GPR39: variants seen among roughly 807,000 people sequenced by gnomAD.
GPR39 encodes the protein zinc sensing receptor.
Under a neutral mutation model 18.4 loss-of-function variants are expected in GPR39, and 23 were observed. The ratio of observed to expected loss-of-function variants is 1.25; its 90% CI spans 0.90 to 1.77. GPR39 has a LOEUF of 1.77. Ranked by LOEUF, GPR39 falls within the 40% of genes most tolerant of loss-of-function variation. GPR39 has a pLI of 0.00. For synonymous variants in GPR39, 280 were observed against 257.9 expected (o/e 1.09, Z -0.82); for missense variants, 647 against 602.4 (o/e 1.07, Z -0.78).
rs976763285 is a variant in GPR39, at chr2:132,531,500, G to A, written c.857-113601G>A. ...AATTGAACTCAGCTCTGCACCAAGT[G>A]GACCTAATAGACAACTACAGAACTC... On this transcript the variant is annotated intron_variant, in intron 1 of 1. Coordinates refer to ENST00000329321, the MANE Select transcript of GPR39 (RefSeq NM_001508.3). Among the ~76,000 whole-genome samples the A allele has an allele frequency of 3.1e-3, 475 of 152,168 alleles. 1 individual carries two copies. The highest frequency in any genetic ancestry group is 7.1e-3 in the African/African-American group (295 of 41,496).
At position 132,576,388 on chromosome 2, in the gene GPR39, C is replaced by T. The variant is rs865848171; in HGVS notation, c.857-68713C>T. Reference sequence around the variant, plus strand: ...CTAAGCCTAGCCAGGTGTGATGGCTCACACCTGTAATTACAGCACTTGAGG... The same window carrying T: ...CTAAGCCTAGCCAGGTGTGATGGCTTACACCTGTAATTACAGCACTTGAGG... On this transcript the variant is annotated intron_variant, in intron 1 of 1. Coordinates refer to ENST00000329321, the MANE Select transcript of GPR39 (RefSeq NM_001508.3). Among the ~76,000 whole-genome samples the T allele has an allele frequency of 5.9e-5, 9 of 151,980 alleles. 1 individual carries two copies. The highest frequency in any genetic ancestry group is 3.3e-4 in the Admixed American group (5 of 15,264).
intron 1 of GPR39, among the ~76,000 whole-genome samples, chr2:132,640,800 G>A (rs562212613): frequency 6.6e-6 from 1 of 152,310 alleles, no homozygotes; most frequent in South Asian, 2.1e-4. Context: ...AGAATAGAAA[G>A]TTACCTTGGG....
chr2:132,446,879 G>C (rs1358697520), intron 1 of GPR39, among the ~76,000 whole-genome samples: 1 of 152,146 alleles, frequency 6.6e-6, no homozygotes, highest in East Asian at 1.9e-4. Context: ...AGTATGCAGA[G>C]ACAAGTGTGC....
rs150199773 is a variant in GPR39 at position 132,546,474 on chromosome 2, G to A, written c.857-98627G>A. Among the ~76,000 whole-genome samples, 812 of 152,252 alleles carry A rather than the reference G, an allele frequency of 5.3e-3. 3 individuals are homozygous for A. The highest frequency in any genetic ancestry group is 9.1e-3 in the Admixed American group (139 of 15,294). On this transcript the variant is annotated intron_variant, in intron 1 of 1. Coordinates refer to ENST00000329321, the MANE Select transcript of GPR39 (RefSeq NM_001508.3). ...TTGGGTTAAGACTAATCCTGAGACC[G>A]TAAGTTGTAGTCCAGCCTAGCTGAT... is the stretch of plus-strand genomic sequence containing the variant.
intron 1 of GPR39, among the ~76,000 whole-genome samples, chr2:132,455,161 C>G (rs1354477207): frequency 6.6e-6 from 1 of 152,130 alleles, no homozygotes; most frequent in Non-Finnish European, 1.5e-5. Context: ...ATTTCAGAAC[C>G]TGTAATTGGT....
At chr2:132,508,529 C>T (rs1160912540) in intron 1 of GPR39, among the ~76,000 whole-genome samples, 1 of 152,014 alleles carries the variant, frequency 6.6e-6, no homozygotes, top group Non-Finnish European at 1.5e-5. Flanking sequence ...TGCAGATTTG[C>T]TCTGCAAAGA....
intron 1 of GPR39, among the ~76,000 whole-genome samples, chr2:132,533,599 T>C (rs1054792576): frequency 4.6e-5 from 7 of 152,006 alleles, no homozygotes; most frequent in Non-Finnish European, 1.0e-4. Context: ...CAAACTATAT[T>C]ACAAGGCTAC....
intron 1 of GPR39, among the ~76,000 whole-genome samples, chr2:132,639,536 A>G (rs1681822985): frequency 6.6e-6 from 1 of 152,190 alleles, no homozygotes; most frequent in Admixed American, 6.5e-5. Context: ...TTGGGAGGTG[A>G]TCAACTTTCC....
chr2:132,506,359 C>T (rs537133222), intron 1 of GPR39, among the ~76,000 whole-genome samples: 1 of 152,158 alleles, frequency 6.6e-6, no homozygotes, highest in South Asian at 2.1e-4. Flanking sequence ...CAGGTTGTCT[C>T]TTCACTCTGT....
At chr2:132,560,929 T>TG (rs397873473) in intron 1 of GPR39, among the ~76,000 whole-genome samples, 3 of 146,418 alleles carry the variant, frequency 2.0e-5, no homozygotes, top group Non-Finnish European at 3.0e-5. Flanking sequence ...TTTTTTTTTT[T>TG]GAGATGGAAT....
chr2:132,628,037 C>T (rs72844712), intron 1 of GPR39, among the ~76,000 whole-genome samples: 19,622 of 152,220 alleles, frequency 0.13, 1,616 homozygotes, highest in Middle Eastern at 0.23. Context: ...TGGTTCTCTA[C>T]TCCTATCATT....
intron 1 of GPR39, among the ~76,000 whole-genome samples, chr2:132,460,568 C>T (rs1030553924): frequency 3.3e-5 from 5 of 152,088 alleles, no homozygotes; most frequent in African/African-American, 1.2e-4. Context: ...GCCTCCTTGA[C>T]CCCAGTCAGT....
chr2:132,644,365 G>A (rs879459861), intron 1 of GPR39, among the ~76,000 whole-genome samples: 1 of 152,206 alleles, frequency 6.6e-6, no homozygotes, highest in Non-Finnish European at 1.5e-5. Flanking sequence ...AAGGGAACAT[G>A]TTACTGGCTG....
chr2:132,646,560 T>C lies in GPR39; in HGVS notation c.*954T>C, dbSNP rs1281029617. 3.1e-6 allele frequency: 1 copy of C among 323,058 alleles called. No homozygotes were observed. The highest frequency in any genetic ancestry group is 5.6e-6 in the Non-Finnish European group (1 of 178,992). The allele number at this position is 323,058 out of a possible 1,614,324, so 20.0% of individuals were successfully genotyped here. ...AATAAAGAGCTGTTAAATAGACTTATTTACATTTTAAGTCAGAGTTCACAC... is the reference window on the plus strand; with the variant it reads ...AATAAAGAGCTGTTAAATAGACTTACTTACATTTTAAGTCAGAGTTCACAC... On this transcript the variant is annotated 3_prime_UTR_variant, in exon 2 of 2. Transcript: ENST00000329321.
chr2:132,463,393 T>G (rs1463788042), intron 1 of GPR39, among the ~76,000 whole-genome samples: 2 of 151,844 alleles, frequency 1.3e-5, no homozygotes, highest in African/African-American at 4.9e-5. Flanking sequence ...AGATACAAGA[T>G]TCATTAAGAT....
At chr2:132,442,579 G>A (rs142186435) in intron 1 of GPR39, among the ~76,000 whole-genome samples, 4,232 of 152,284 alleles carry the variant, frequency 0.028, 172 homozygotes, top group African/African-American at 0.091. Context: ...ATGCCCCTGT[G>A]AAAGGCAGAG....
intron 1 of GPR39, among the ~76,000 whole-genome samples, chr2:132,541,304 G>T: frequency 6.6e-6 from 1 of 152,088 alleles, no homozygotes; most frequent in East Asian, 1.9e-4. Context: ...GGCTGTTATC[G>T]AACTCCTGAC....
chr2:132,612,197 C>T (rs1412559261), intron 1 of GPR39, among the ~76,000 whole-genome samples: 1 of 152,156 alleles, frequency 6.6e-6, no homozygotes, highest in Non-Finnish European at 1.5e-5. Flanking sequence ...AGCCTTCCTT[C>T]CTTTGTAGAA....
intron 1 of GPR39, among the ~76,000 whole-genome samples, chr2:132,435,602 GC>G (rs1680303060): frequency 6.6e-6 from 1 of 152,192 alleles, no homozygotes; most frequent in Admixed American, 6.5e-5. Context: ...GACCCTGAAT[GC>G]CTGCACTGTT....
Sources: gnomAD v4.1 joint callset for allele counts (sites outside exome capture counted in the v4.1 genomes callset) on GRCh38, gnomAD v4.1.1 for gene constraint, MANE v1.5 for transcripts, NCBI Gene and HGNC (gene_info 2026-07-23, HGNC 2026-07-21) for gene names.